The following NFAM1 variants were observed in gnomAD, a reference collection of about 807,000 sequenced individuals.
NFAM1 encodes NFAT activation molecule 1.
NFAM1 carries 17 observed loss-of-function variants against 29.0 expected under a neutral mutation model. That is an observed-to-expected ratio of 0.59 (90% CI 0.40 to 0.88). The LOEUF (loss-of-function observed/expected upper bound fraction) is 0.88. Ranked by LOEUF, NFAM1 falls within the 40% of genes least tolerant of loss-of-function variation. The probability of loss-of-function intolerance (pLI) is 0.00; values close to 1 mark genes in which losing one functional copy is unlikely to be tolerated. For missense variants in NFAM1, 324 were observed against 344.6 expected (o/e 0.94, Z 0.47); for synonymous variants, 175 against 147.2 (o/e 1.19, Z -1.36).
At chr22:42,420,270 A>G (rs993178791) in intron 1 of NFAM1, among the ~76,000 whole-genome samples, 1 of 151,768 alleles carries the variant, frequency 6.6e-6, no homozygotes, top group African/African-American at 2.4e-5. Context: ...TCAGGACTTT[A>G]AGATCAGCCT....
chr22:42,385,359 T>C, intron 5 of NFAM1, 139 bp from the exon 6 acceptor site: 1 of 685,004 alleles, frequency 1.5e-6, no homozygotes. Context: ...CTGCCCTCTG[T>C]CTCCAAGCCC....
At chr22:42,407,110 C>T (rs1264433711) in intron 3 of NFAM1, among the ~76,000 whole-genome samples, 2 of 139,484 alleles carry the variant, frequency 1.4e-5, no homozygotes, top group Admixed American at 7.4e-5. Flanking sequence ...GATGGAGTCT[C>T]GCTGTGTTGC....
chr22:42,390,812 G>A (rs1366514778), intron 4 of NFAM1, among the ~76,000 whole-genome samples: 2 of 57,056 alleles, frequency 3.5e-5, no homozygotes, highest in African/African-American at 1.8e-4. Flanking sequence ...GTGAGACTCC[G>A]TCTCAAAAAA....
chr22:42,421,105 G>T (rs1930429453), intron 1 of NFAM1, among the ~76,000 whole-genome samples: 1 of 152,150 alleles, frequency 6.6e-6, no homozygotes. Context: ...AGCAGGGGCG[G>T]ACATTTTGGG....
At chr22:42,411,255 C>T in intron 2 of NFAM1, 152 bp downstream of exon 2, 1 of 621,590 alleles carries the variant, frequency 1.6e-6, no homozygotes, top group Non-Finnish European at 2.8e-6. Flanking sequence ...AATCCCTGAC[C>T]TCAGGTGATC....
At chr22:42,421,351 G>A (rs774725317) in intron 1 of NFAM1, among the ~76,000 whole-genome samples, 23 of 151,246 alleles carry the variant, frequency 1.5e-4, no homozygotes, top group Non-Finnish European at 2.1e-4. Flanking sequence ...AGCTACTCGG[G>A]AGGCTGAGGC....
rs1451155214 is a variant in NFAM1, at chr22:42,394,923, G to A, written c.663+2935C>T. Among the ~76,000 whole-genome samples the A allele has an allele frequency of 7.2e-5, 11 of 152,050 alleles. 1 individual carries two copies. The highest frequency in any genetic ancestry group is 6.3e-3 in the Middle Eastern group (2 of 316). On this transcript the variant is annotated intron_variant, in intron 4 of 5. Transcript: ENST00000329021. ...ACTTGAGCCCAGGAACTCAAAACCA[G>A]CCTGGGCAATATAGTGAGACCTTGT...
chr22:42,424,144 G>A (rs182000829), intron 1 of NFAM1, among the ~76,000 whole-genome samples: 27 of 152,052 alleles, frequency 1.8e-4, no homozygotes, highest in East Asian at 1.4e-3. Flanking sequence ...GGCTGGGCGC[G>A]GTGGCTCATG....
intron 1 of NFAM1, among the ~76,000 whole-genome samples, chr22:42,415,205 C>T (rs1308579309): frequency 1.3e-5 from 2 of 152,052 alleles, no homozygotes; most frequent in Non-Finnish European, 2.9e-5. Context: ...AGAGGAGGTC[C>T]GCAGTTACAG....
upstream of NFAM1, among the ~76,000 whole-genome samples, chr22:42,435,310 C>A (rs1224907682): frequency 2.0e-5 from 3 of 152,010 alleles, no homozygotes; most frequent in African/African-American, 7.2e-5. Context: ...CCAAATGAGA[C>A]CACAATTACT....
At chr22:42,391,800 C>T (rs1165968191) in intron 4 of NFAM1, among the ~76,000 whole-genome samples, 1 of 151,854 alleles carries the variant, frequency 6.6e-6, no homozygotes, top group Non-Finnish European at 1.5e-5. Context: ...CAAAAACTAG[C>T]CGGGTGTGGT....
intron 1 of NFAM1, among the ~76,000 whole-genome samples, chr22:42,413,575 A>C (rs1314660038): frequency 2.0e-5 from 3 of 151,996 alleles, no homozygotes; most frequent in Non-Finnish European, 2.9e-5. Context: ...CTGGAGTTCG[A>C]GACCAGCCTG....
intron 3 of NFAM1, among the ~76,000 whole-genome samples, chr22:42,408,801 G>A (rs1390659827): frequency 1.3e-5 from 2 of 152,212 alleles, no homozygotes; most frequent in Non-Finnish European, 2.9e-5. Flanking sequence ...GTGTGAGCAG[G>A]AGCCGTCCAG....
chr22:42,429,636 A>T (rs1807557), intron 1 of NFAM1, among the ~76,000 whole-genome samples: 25,921 of 152,116 alleles, frequency 0.17, 2,812 homozygotes, highest in Admixed American at 0.32. Context: ...AATAAATAAA[A>T]AATCAAACTG....
At chr22:42,432,201 C>G in intron 1 of NFAM1, 36 bp downstream of exon 1, 1 of 1,538,984 alleles carries the variant, frequency 6.5e-7, no homozygotes, top group Non-Finnish European at 8.8e-7. Flanking sequence ...TGTTCTGGAG[C>G]GAGAGAGTAG....
At chr22:42,436,237 C>A (rs1035188267), upstream of NFAM1, among the ~76,000 whole-genome samples, 4 of 152,160 alleles carry the variant, frequency 2.6e-5, no homozygotes, top group African/African-American at 9.7e-5. Context: ...GCAGAAGTGC[C>A]GTGGGAAGGA....
intron 1 of NFAM1, among the ~76,000 whole-genome samples, chr22:42,421,283 T>A (rs1242923006): frequency 6.6e-6 from 1 of 151,726 alleles, no homozygotes; most frequent in African/African-American, 2.4e-5. Context: ...AAACCCCGTC[T>A]CTGTTAAAAA....
Position 42,419,392 on chromosome 22 carries a change from G to A in NFAM1, c.122-7656C>T, listed in dbSNP as rs750165949. Among the ~76,000 whole-genome samples the A allele has an allele frequency of 6.6e-6, 1 of 152,114 alleles. No individual in the cohort carries two copies. Among genetic ancestry groups the A allele is most frequent in the African/African-American group, 2.4e-5 (1 of 41,404 alleles). On this transcript the variant is annotated intron_variant, in intron 1 of 5. Transcript: ENST00000329021. The surrounding 1 kb of genome is among the most constrained non-coding windows in gnomAD (Gnocchi z 4.5). ...GTCTGAAATCAATTTACGGGGTCAAGACAAGCAATTAAAAAAAATAGAACA... is the reference window on the plus strand; with the variant it reads ...GTCTGAAATCAATTTACGGGGTCAAAACAAGCAATTAAAAAAAATAGAACA...
Position 42,409,517 on chromosome 22 carries a change from G to A in NFAM1, c.482C>T (p.Pro161Leu). Residue 161 changes from proline (P) to leucine (L), a missense_variant, in exon 3 of 6, where the codon CCA (proline) becomes CTA (leucine). By Grantham distance (98) the Pro-to-Leu change is moderately conservative. Coordinates refer to ENST00000329021, the MANE Select transcript of NFAM1 (RefSeq NM_145912.8). The surrounding 1 kb of genome is among the most constrained non-coding windows in gnomAD (Gnocchi z 4.9). Reference protein sequence around the residue: ...DAGYREPPQSPQKLLLFGFTG... With the variant: ...DAGYREPPQSLQKLLLFGFTG... ...GAAGCCAAAGAGCAGGAGCTTCTGT[G>A]GACTCTGCGGGGGCTCTCGGTACCC... 6.4e-7 allele frequency: 1 copy of A among 1,559,500 alleles called. No homozygotes were observed. The highest frequency in any genetic ancestry group is 8.7e-7 in the Non-Finnish European group (1 of 1,151,192).
Sources: allele counts gnomAD v4.1 joint callset (sites outside exome capture counted in the v4.1 genomes callset), GRCh38; gene constraint gnomAD v4.1.1; non-coding constraint Gnocchi (gnomAD v3.1); transcripts MANE v1.5; gene names NCBI Gene and HGNC (gene_info 2026-07-23, HGNC 2026-07-21).